Variants in DLG2 observed in about 807,000 individuals in gnomAD.
DLG2 encodes the protein discs large MAGUK scaffold protein 2, also known as disks large homolog 2.
DLG2 carries 45 observed loss-of-function variants against 132.5 expected under a neutral mutation model. The ratio of observed to expected loss-of-function variants is 0.34; its 90% CI spans 0.27 to 0.44. DLG2 has a LOEUF of 0.44. DLG2 is among the 20% of genes least tolerant of loss of function. The probability of loss-of-function intolerance (pLI) is 1.00; values close to 1 mark genes in which losing one functional copy is unlikely to be tolerated. For synonymous variants in DLG2, 424 were observed against 419.6 expected (o/e 1.01, Z -0.13); for missense variants, 1,045 against 1,196.9 (o/e 0.87, Z 1.87).
chr11:85,536,386 C>T (rs756122397), intron 3 of DLG2, among the ~76,000 whole-genome samples: 1 of 152,166 alleles, frequency 6.6e-6, no homozygotes, highest in African/African-American at 2.4e-5. Context: ...ATTCTCCTGC[C>T]CTCCTTTCTC....
chr11:83,494,650 C>A (rs1177415431), intron 21 of DLG2, among the ~76,000 whole-genome samples: 1 of 151,524 alleles, frequency 6.6e-6, no homozygotes, highest in Admixed American at 6.6e-5. Context: ...GCAGAGACAC[C>A]CAGTTCACCA....
chr11:85,179,651 G>A (rs1214912625), intron 4 of DLG2, among the ~76,000 whole-genome samples: 1 of 151,704 alleles, frequency 6.6e-6, no homozygotes, highest in Non-Finnish European at 1.5e-5. Context: ...ACAACAGGAG[G>A]TACAAATGGG....
At chr11:83,975,736 A>C (rs2092108789) in intron 12 of DLG2, among the ~76,000 whole-genome samples, 1 of 152,000 alleles carries the variant, frequency 6.6e-6, no homozygotes, top group Non-Finnish European at 1.5e-5. Context: ...TAAAAAACTG[A>C]GAAGTGGAGA....
chr11:84,715,138 A>G (rs2061063349), intron 6 of DLG2, among the ~76,000 whole-genome samples: 1 of 152,152 alleles, frequency 6.6e-6, no homozygotes, highest in South Asian at 2.1e-4. Flanking sequence ...CTTAATATAT[A>G]AAAACAATAT....
intron 7 of DLG2, among the ~76,000 whole-genome samples, chr11:84,435,667 G>A (rs2098998319): frequency 6.6e-6 from 1 of 152,016 alleles, no homozygotes; most frequent in Non-Finnish European, 1.5e-5. Flanking sequence ...GTTTCTTCTG[G>A]CTTGTTTTAA....
chr11:83,852,234 C>G (rs1225218618), intron 16 of DLG2, among the ~76,000 whole-genome samples: 3 of 152,170 alleles, frequency 2.0e-5, no homozygotes, highest in Non-Finnish European at 2.9e-5. Context: ...CTGGTAGGGG[C>G]TACGTGAGCC....
At chr11:84,980,730 A>G (rs977049863) in intron 6 of DLG2, among the ~76,000 whole-genome samples, 3 of 152,314 alleles carry the variant, frequency 2.0e-5, no homozygotes, top group African/African-American at 7.2e-5. Context: ...TCTGGAGATA[A>G]AAGCATCCAA....
chr11:83,758,567 T>G (rs1466675569), intron 18 of DLG2, among the ~76,000 whole-genome samples: 3 of 152,146 alleles, frequency 2.0e-5, no homozygotes, highest in Non-Finnish European at 4.4e-5. Flanking sequence ...GGCTGGGTAA[T>G]CTAGAGTAGA....
At chr11:84,939,986 C>A (rs2049191809) in intron 6 of DLG2, among the ~76,000 whole-genome samples, 1 of 152,126 alleles carries the variant, frequency 6.6e-6, no homozygotes, top group Non-Finnish European at 1.5e-5. Flanking sequence ...TTTTAGCTTT[C>A]TGAGGATCCT....
chr11:84,472,644 G>T (rs2099111359), intron 7 of DLG2, among the ~76,000 whole-genome samples: 1 of 151,846 alleles, frequency 6.6e-6, no homozygotes, highest in East Asian at 1.9e-4. Context: ...TTCACCTAAT[G>T]TTCATACTTA....
chr11:85,547,460 T>C (rs1014460124), intron 3 of DLG2, among the ~76,000 whole-genome samples: 1 of 152,228 alleles, frequency 6.6e-6, no homozygotes, highest in African/African-American at 2.4e-5. Flanking sequence ...CAATTATGTG[T>C]CTTGGCGTTG....
In DLG2 at chr11:84,732,580, A is replaced by T. The variant is rs191079573; in HGVS notation, c.358-197849T>A. On this transcript the variant is annotated intron_variant, in intron 6 of 27. Coordinates refer to ENST00000376104, the MANE Select transcript of DLG2 (RefSeq NM_001142699.3). ...TATCTTTGGTAAAGTATCAATTCAAATCTTTTACCTACCTTTAAAATTGTT... is the reference window on the plus strand; with the variant it reads ...TATCTTTGGTAAAGTATCAATTCAATTCTTTTACCTACCTTTAAAATTGTT... Among the ~76,000 whole-genome samples, 8 of 151,842 alleles carry T rather than the reference A, an allele frequency of 5.3e-5. No individual in the cohort carries two copies. The East Asian group carries it at 1.5e-3, about 29-fold the overall frequency.
chr11:84,070,331 TC>T (rs2154143290), intron 10 of DLG2, among the ~76,000 whole-genome samples: 1 of 152,278 alleles, frequency 6.6e-6, no homozygotes, highest in South Asian at 2.1e-4. Flanking sequence ...AAAGCTAGCA[TC>T]ATTCAAAGGC....
chr11:84,580,461 G>A (rs1444735863), intron 6 of DLG2, among the ~76,000 whole-genome samples: 1 of 152,106 alleles, frequency 6.6e-6, no homozygotes, highest in Non-Finnish European at 1.5e-5. Flanking sequence ...CTCTGTCTTT[G>A]GTCCTCTGGT....
intron 3 of DLG2, among the ~76,000 whole-genome samples, chr11:85,305,751 G>A (rs1443162815): frequency 1.3e-5 from 2 of 152,156 alleles, no homozygotes; most frequent in Non-Finnish European, 2.9e-5. Context: ...CTGACCTCAT[G>A]GTCCGCCCGC....
intron 3 of DLG2, among the ~76,000 whole-genome samples, chr11:85,438,967 T>C (rs1481272051): frequency 1.3e-5 from 2 of 152,244 alleles, no homozygotes; most frequent in African/African-American, 2.4e-5. Context: ...TTTGGCTTTT[T>C]CTACGCAGCA....
At chr11:83,468,851 A>G (rs77491560) in intron 25 of DLG2, among the ~76,000 whole-genome samples, 1,795 of 152,238 alleles carry the variant, frequency 0.012, 29 homozygotes, top group African/African-American at 0.041. Context: ...GAGAGAGAAA[A>G]AAAATAACTT....
At chr11:84,539,943 G>A (rs1039578317) in intron 6 of DLG2, among the ~76,000 whole-genome samples, 1 of 152,142 alleles carries the variant, frequency 6.6e-6, no homozygotes, top group African/African-American at 2.4e-5. Flanking sequence ...AATGGGGAAA[G>A]GATGCCCTAT....
At chr11:84,600,225 A>AAAGAAAGAAAGAAAGG (rs2099573575) in intron 6 of DLG2, among the ~76,000 whole-genome samples, 1 of 113,346 alleles carries the variant, frequency 8.8e-6, no homozygotes, top group South Asian at 3.2e-4. Flanking sequence ...AGAAAGAAAG[A>AAAGAAAGAAAGAAAGG]GAAAGAAAGA....
Sources: gnomAD v4.1 joint callset for allele counts (sites outside exome capture counted in the v4.1 genomes callset) on GRCh38, gnomAD v4.1.1 for gene constraint, MANE v1.5 for transcripts, NCBI Gene and HGNC (gene_info 2026-07-23, HGNC 2026-07-21) for gene names.